ZNF236: variants seen among roughly 807,000 people sequenced by gnomAD.
ZNF236 encodes zinc finger protein 236.
ZNF236 carries 50 observed loss-of-function variants against 191.2 expected under a neutral mutation model. The observed-to-expected ratio is 0.26, with a 90% CI of 0.21 to 0.33. The LOEUF (loss-of-function observed/expected upper bound fraction) is 0.33. Among genes scored for constraint, ZNF236 ranks in the 10% least tolerant of loss-of-function variants. The pLI, the probability that ZNF236 is intolerant of heterozygous loss-of-function variation, is 1.00. For missense variants in ZNF236, 1,754 were observed against 2,374.5 expected, an observed-to-expected ratio of 0.74 and a Z score of 5.43; for synonymous variants, 907 against 928.8, an observed-to-expected ratio of 0.98 and a Z score of 0.43.
Position 76,969,521 on chromosome 18 carries a change from C to T in ZNF236, c.*1182C>T, listed in dbSNP as rs1349377349. 2.0e-5 allele frequency: 3 copies of T among 152,450 alleles called. No individual in the cohort carries two copies. The highest frequency in any genetic ancestry group is 6.5e-5 in the Admixed American group (1 of 15,278). The allele number at this position is 152,450 out of a possible 1,614,324, so 9.4% of individuals were successfully genotyped here. Reference sequence around the variant, plus strand: ...GTACTAGTCCTAATTGCAGAAAGAGCGTCAGTTTCACCTCCCCACGAGCAC... The same window carrying T: ...GTACTAGTCCTAATTGCAGAAAGAGTGTCAGTTTCACCTCCCCACGAGCAC... On this transcript the variant is annotated 3_prime_UTR_variant, in exon 31 of 31. Transcript: ENST00000320610.
At chr18:76,896,999 T>C (rs80141775) in intron 10 of ZNF236, among the ~76,000 whole-genome samples, 2,546 of 148,518 alleles carry the variant, frequency 0.017, 30 homozygotes, top group Middle Eastern at 0.023. Context: ...CACTTAGGCA[T>C]CAAACACAGT....
intron 25 of ZNF236, chr18:76,936,469 T>C (rs1186169269): frequency 2.2e-6 from 1 of 453,042 alleles, no homozygotes; most frequent in African/African-American, 2.0e-5. Context: ...CCAGATACTT[T>C]CGTTTCTCTT....
At position 76,908,372 on chromosome 18, in the gene ZNF236, G is replaced by C. The variant is rs1302681922; in HGVS notation, c.2350G>C (p.Asp784His). The change falls in exon 14 of 31, where the codon GAC becomes CAC. Residue 784 changes from aspartate (D) to histidine (H), a missense_variant. By Grantham distance (81) the Asp-to-His change is moderately conservative. This residue lies in a region of ZNF236 where 641 missense variants were observed against 869.6 expected (regional missense o/e 0.74). Coordinates refer to ENST00000320610, the MANE Select transcript of ZNF236 (RefSeq NM_001306089.2). ...GCATCAGCAGGCAGCCTCGATAGAT[G>C]ACAGCACTGTAGACCAGCAGAGCAT... ...QQHQQAASIDDSTVDQQSMQA... is the reference protein window; with the variant it reads ...QQHQQAASIDHSTVDQQSMQA... The C allele has an allele frequency of 1.9e-6, 3 of 1,614,094 alleles. No homozygotes were observed. Among genetic ancestry groups the C allele is most frequent in the African/African-American group, 1.3e-5 (1 of 74,946 alleles).
Position 76,828,752 on chromosome 18 carries a change from C to T in ZNF236, c.55+6090C>T, listed in dbSNP as rs375852300. Among the ~76,000 whole-genome samples, 12 of 152,030 alleles carry T rather than the reference C, an allele frequency of 7.9e-5. No homozygotes were observed. The South Asian group carries it at 1.5e-3, about 18-fold the overall frequency. On this transcript the variant is annotated intron_variant, in intron 1 of 30. Transcript: ENST00000320610. ...CGTGATCTGGGCTCACTGCAACCTC[C>T]GCCTTCTGGGTTCAAACAATTCTCC...
At chr18:76,846,880 T>C (rs530248824) in intron 1 of ZNF236, among the ~76,000 whole-genome samples, 1 of 151,956 alleles carries the variant, frequency 6.6e-6, no homozygotes, top group Non-Finnish European at 1.5e-5. Flanking sequence ...CTGCAACCTC[T>C]GCCTCCTGGG....
intron 27 of ZNF236, among the ~76,000 whole-genome samples, chr18:76,955,673 GT>G (rs1423424996): frequency 6.6e-6 from 1 of 152,210 alleles, no homozygotes; most frequent in Admixed American, 6.5e-5. Context: ...CCACGGACTG[GT>G]TAAGTACTTA....
At chr18:76,853,343 T>C (rs1197107435) in intron 3 of ZNF236, among the ~76,000 whole-genome samples, 1 of 152,168 alleles carries the variant, frequency 6.6e-6, no homozygotes, top group Admixed American at 6.6e-5. Context: ...CCTCCCAAAA[T>C]GCTGGCATTA....
chr18:76,944,138 G>T (rs566628972), intron 26 of ZNF236, among the ~76,000 whole-genome samples: 34 of 152,296 alleles, frequency 2.2e-4, no homozygotes, highest in Non-Finnish European at 4.0e-4. Flanking sequence ...CATGGGTGGG[G>T]CTGGCGTCTG....
chr18:76,894,614 AT>A (rs1369587683), intron 9 of ZNF236, among the ~76,000 whole-genome samples: 3 of 152,126 alleles, frequency 2.0e-5, no homozygotes, highest in African/African-American at 4.8e-5. Context: ...TTGCATTTAT[AT>A]TTTTTTAATT....
At chr18:76,901,849 T>C (rs1266762327) in intron 11 of ZNF236, among the ~76,000 whole-genome samples, 1 of 152,226 alleles carries the variant, frequency 6.6e-6, no homozygotes, top group Admixed American at 6.5e-5. Context: ...TTTTTGAGCA[T>C]AGAATGGGAT....
intron 13 of ZNF236, among the ~76,000 whole-genome samples, chr18:76,908,064 G>A (rs1046925502): frequency 1.3e-5 from 2 of 151,714 alleles, no homozygotes; most frequent in East Asian, 1.9e-4. Context: ...TTAGGCATTC[G>A]GGTGTGTGTT....
chr18:76,911,029 G>A (rs1456119805), intron 16 of ZNF236, among the ~76,000 whole-genome samples: 1 of 152,176 alleles, frequency 6.6e-6, no homozygotes, highest in African/African-American at 2.4e-5. Flanking sequence ...AGGTTTCACT[G>A]CCATGGTGTG....
At chr18:76,959,557 C>G (rs2122960838) in intron 28 of ZNF236, 130 bp from the exon 29 acceptor site, 4 of 1,135,938 alleles carry the variant, frequency 3.5e-6, no homozygotes, top group Non-Finnish European at 4.8e-6. Flanking sequence ...CTTAAGAACA[C>G]AAATCACAGA....
At chr18:76,959,568 T>G in intron 28 of ZNF236, 119 bp from the exon 29 acceptor site, 1 of 1,208,514 alleles carries the variant, frequency 8.3e-7, no homozygotes, top group Non-Finnish European at 1.1e-6. Context: ...AAATCACAGA[T>G]TAGCCTTTGA....
chr18:76,968,953 A>T lies in ZNF236; in HGVS notation c.*614A>T. ...CATGACAAATGTTTAATCATTAGTT[A>T]CAAGAATGCAGTATCTGGGGCGTCA... On this transcript the variant is annotated 3_prime_UTR_variant, in exon 31 of 31. Coordinates refer to ENST00000320610, the MANE Select transcript of ZNF236 (RefSeq NM_001306089.2). The T allele has an allele frequency of 1.0e-6, 1 of 985,956 alleles. No homozygotes were observed. The highest frequency in any genetic ancestry group is 1.2e-6 in the Non-Finnish European group (1 of 830,064). The allele number at this position is 985,956 out of a possible 1,614,324, so 61.1% of individuals were successfully genotyped here.
chr18:76,871,454 CT>C (rs5826482), intron 4 of ZNF236, among the ~76,000 whole-genome samples: 2,356 of 152,292 alleles, frequency 0.015, 58 homozygotes, highest in African/African-American at 0.052. Flanking sequence ...TTTGCTCCCC[CT>C]GTCCCAATTT....
intron 10 of ZNF236, chr18:76,895,494 G>A: frequency 2.9e-6 from 2 of 686,882 alleles, no homozygotes; most frequent in South Asian, 3.8e-5. Context: ...CTGCCCACAG[G>A]GACTGCACAA....
At chr18:76,910,921 A>C in intron 16 of ZNF236, 110 bp downstream of exon 16, 29 of 1,217,550 alleles carry the variant, frequency 2.4e-5, no homozygotes, top group Non-Finnish European at 3.1e-5. Flanking sequence ...AGGCATGCTC[A>C]CTTCTTGTAG....
intron 28 of ZNF236, among the ~76,000 whole-genome samples, chr18:76,956,560 G>C (rs1968530629): frequency 6.6e-6 from 1 of 152,206 alleles, no homozygotes; most frequent in Admixed American, 6.5e-5. Flanking sequence ...TTCTGTAGGG[G>C]CATTGGGCAG....
Sources: gnomAD v4.1 joint callset for allele counts (sites outside exome capture counted in the v4.1 genomes callset) on GRCh38, gnomAD v4.1.1 for gene constraint, gnomAD v4.1.1 regional missense constraint, MANE v1.5 for transcripts, NCBI Gene and HGNC (gene_info 2026-07-23, HGNC 2026-07-21) for gene names.